The following ASB13 variants were observed in gnomAD, a reference collection of about 807,000 sequenced individuals.
ASB13 encodes ankyrin repeat and SOCS box protein 13.
Under a neutral mutation model 28.8 loss-of-function variants are expected in ASB13, and 33 were observed. That is an observed-to-expected ratio of 1.15 (90% CI 0.87 to 1.53). The LOEUF is 1.53. Ranked by LOEUF, ASB13 falls within the 40% of genes most tolerant of loss-of-function variation. ASB13 has a pLI of 0.00. For synonymous variants in ASB13, 182 were observed against 172.9 expected, an observed-to-expected ratio of 1.05 and a Z score of -0.41; for missense variants, 414 against 390.1, an observed-to-expected ratio of 1.06 and a Z score of -0.52.
At position 5,659,174 on chromosome 10, in the gene ASB13, C is replaced by T. The variant is rs562228535; in HGVS notation, c.44-6124G>A. ...TGCCAGGCTCCCTGTGGTGGCAAGA[C>T]GCCCCCCCTCCCCAATCCCTGCACC... On this transcript the variant is annotated intron_variant, in intron 1 of 5. Coordinates refer to ENST00000357700, the MANE Select transcript of ASB13 (RefSeq NM_024701.4). The surrounding 1 kb of genome is among the most constrained non-coding windows in gnomAD (Gnocchi z 5.8). Among the ~76,000 whole-genome samples, 5 of 152,224 alleles carry T rather than the reference C, an allele frequency of 3.3e-5. 1 individual carries two copies. Among genetic ancestry groups the T allele is most frequent in the South Asian group, 4.2e-4 (2 of 4,816 alleles).
rs1030789083 is a variant in ASB13, at chr10:5,645,552, C to T, written c.517+3418G>A. ...AACAAGAACAACGGTCTCCACGTCC[C>T]CCGTGGGGTGCAACGTGGCTCTGCC... On this transcript the variant is annotated intron_variant, in intron 4 of 5. Transcript: ENST00000357700. The surrounding 1 kb of genome is among the most constrained non-coding windows in gnomAD (Gnocchi z 5.4). Among the ~76,000 whole-genome samples the T allele has an allele frequency of 4.6e-5, 7 of 152,198 alleles. No individual in the cohort carries two copies. Among genetic ancestry groups the T allele is most frequent in the African/African-American group, 1.7e-4 (7 of 41,440 alleles).
rs948276211 is a variant in ASB13 at position 5,644,679 on chromosome 10, G to A, written c.518-2718C>T. Among the ~76,000 whole-genome samples the A allele has an allele frequency of 2.0e-5, 3 of 152,066 alleles. No homozygotes were observed. Among genetic ancestry groups the A allele is most frequent in the South Asian group, 2.1e-4 (1 of 4,824 alleles). Reference sequence around the variant, plus strand: ...CTAAAAATCCAAAAATTACCTGGGCGTGGTGGTGCACATCTATAATCCCAG... The same window carrying A: ...CTAAAAATCCAAAAATTACCTGGGCATGGTGGTGCACATCTATAATCCCAG... On this transcript the variant is annotated intron_variant, in intron 4 of 5. Transcript: ENST00000357700. This position sits in a 1 kb window ranked among gnomAD's most constrained non-coding sequence, Gnocchi z 5.1.
chr10:5,641,700 G>A lies in ASB13; in HGVS notation c.709+70C>T. On this transcript the variant is annotated intron_variant, in intron 5 of 5. Transcript: ENST00000357700. The surrounding 1 kb of genome is among the most constrained non-coding windows in gnomAD (Gnocchi z 8.4). ...GCCCAGCTCTCCGCGGAAGCCCACA[G>A]GGAGCCGGCACGTCAGGGGTCCAGG... 6.8e-7 allele frequency: 1 copy of A among 1,473,686 alleles called. No individual in the cohort carries two copies. Among genetic ancestry groups the A allele is most frequent in the South Asian group, 1.3e-5 (1 of 76,872 alleles). The allele number at this position is 1,473,686 out of a possible 1,614,324, so 91.3% of individuals were successfully genotyped here.
At position 5,653,070 on chromosome 10, in the gene ASB13, C is replaced by G; in HGVS notation, c.44-20G>C. 1 of 1,520,636 alleles carries G rather than the reference C, an allele frequency of 6.6e-7. No homozygotes were observed. Among genetic ancestry groups the G allele is most frequent in the Non-Finnish European group, 8.9e-7 (1 of 1,128,578 alleles). The allele number at this position is 1,520,636 out of a possible 1,614,324, so 94.2% of individuals were successfully genotyped here. A position where few individuals can be genotyped will look rare whatever the true frequency, so the allele number is the denominator to read the frequency against. On this transcript the variant is annotated intron_variant, in intron 1 of 5. Transcript: ENST00000357700. The stretch of plus-strand genomic sequence containing the variant: ...AGAAACCTGGAAAGGAAGGGGACCT[C>G]AGGCTAAGACCCTGCCACTTCCATC...
chr10:5,657,965 T>C (rs575976529), intron 1 of ASB13, among the ~76,000 whole-genome samples: 6 of 148,884 alleles, frequency 4.0e-5, no homozygotes, highest in Non-Finnish European at 8.9e-5. Context: ...ATGGCCAACA[T>C]GGGGAAACCC....
At position 5,666,561 on chromosome 10, in the gene ASB13, C is replaced by A. The variant is rs1163797478; in HGVS notation, c.-10G>T. The A allele has an allele frequency of 8.6e-7, 1 of 1,163,858 alleles. No individual in the cohort carries two copies. Among genetic ancestry groups the A allele is most frequent in the Non-Finnish European group, 1.1e-6 (1 of 944,596 alleles). 72.1% of individuals were successfully genotyped at this position (1,163,858 alleles called of 1,614,324 possible). A position where few individuals can be genotyped will look rare whatever the true frequency, so the allele number is the denominator to read the frequency against. On this transcript the variant is annotated 5_prime_UTR_variant, in exon 1 of 6. Coordinates refer to ENST00000357700, the MANE Select transcript of ASB13 (RefSeq NM_024701.4). ...CCGCCCGGGGCTCCATGCGGCTCAC[C>A]GGCGGCCGCGCGGCGACTCTGGGCG... is the stretch of plus-strand genomic sequence containing the variant.
rs1217629321 is a variant in ASB13 at position 5,656,914 on chromosome 10, A to C, written c.44-3864T>G. 6.6e-6 allele frequency among the ~76,000 whole-genome samples: 1 copy of C among 152,182 alleles called. No homozygotes were observed. Among genetic ancestry groups the C allele is most frequent in the East Asian group, 1.9e-4 (1 of 5,198 alleles). On this transcript the variant is annotated intron_variant, in intron 1 of 5. Coordinates refer to ENST00000357700, the MANE Select transcript of ASB13 (RefSeq NM_024701.4). The surrounding 1 kb of genome is among the most constrained non-coding windows in gnomAD (Gnocchi z 4.3). ...CGAAACCTGTACTGACTTAGACGGCACTTTAGACACTTATCTACCATCTTC... is the reference window on the plus strand; with the variant it reads ...CGAAACCTGTACTGACTTAGACGGCCCTTTAGACACTTATCTACCATCTTC...
chr10:5,654,197 G>A (rs1835036563), intron 1 of ASB13, among the ~76,000 whole-genome samples: 2 of 141,108 alleles, frequency 1.4e-5, no homozygotes, highest in African/African-American at 5.3e-5. Context: ...TTCCCATACA[G>A]CATCCAACAC....
At position 5,649,132 on chromosome 10, in the gene ASB13, T is replaced by C. The variant is rs747864648; in HGVS notation, c.383-28A>G. Reference sequence around the variant, plus strand: ...TAAGATAAATGGAAAAGGGGGGGAATGTCCTTGAATACGGACACTGGAGAC... The same window carrying C: ...TAAGATAAATGGAAAAGGGGGGGAACGTCCTTGAATACGGACACTGGAGAC... On this transcript the variant is annotated intron_variant, in intron 3 of 5. Transcript: ENST00000357700. The surrounding 1 kb of genome is among the most constrained non-coding windows in gnomAD (Gnocchi z 6.4). 8.7e-6 allele frequency: 14 copies of C among 1,612,522 alleles called. No individual in the cohort carries two copies. In the Admixed American group the frequency reaches 1.8e-4, roughly 21 times the overall value.
rs1243935199 is a variant in ASB13 at position 5,649,903 on chromosome 10, C to G, written c.383-799G>C. On this transcript the variant is annotated intron_variant, in intron 3 of 5. Coordinates refer to ENST00000357700, the MANE Select transcript of ASB13 (RefSeq NM_024701.4). This position sits in a 1 kb window ranked among gnomAD's most constrained non-coding sequence, Gnocchi z 6.4. ...GGAGCGGGGTTCCAGGCCCCCCATCCTCCCGCCCCTGCACATTCCGTCTAG... is the reference window on the plus strand; with the variant it reads ...GGAGCGGGGTTCCAGGCCCCCCATCGTCCCGCCCCTGCACATTCCGTCTAG... 6.6e-6 allele frequency among the ~76,000 whole-genome samples: 1 copy of G among 152,170 alleles called. No homozygotes were observed. The highest frequency in any genetic ancestry group is 1.9e-4 in the East Asian group (1 of 5,188).
At chr10:5,665,017 C>A (rs563038140) in intron 1 of ASB13, among the ~76,000 whole-genome samples, 12 of 152,142 alleles carry the variant, frequency 7.9e-5, no homozygotes, top group Admixed American at 7.9e-4. Flanking sequence ...CCACAATGCT[C>A]GGCTAATTTT....
At chr10:5,654,810 A>G (rs1019178507) in intron 1 of ASB13, among the ~76,000 whole-genome samples, 8 of 152,306 alleles carry the variant, frequency 5.3e-5, no homozygotes, top group East Asian at 1.9e-4. Flanking sequence ...TACACAGTGC[A>G]TCTGGGCTAG....
Position 5,645,225 on chromosome 10 carries a change from C to A in ASB13, c.518-3264G>T, listed in dbSNP as rs143906355. ...CAAATAGCTCAATAGGTGCTTGTTACCACAAGAGAAATTGAAAAAAAAAAT... is the reference window on the plus strand; with the variant it reads ...CAAATAGCTCAATAGGTGCTTGTTAACACAAGAGAAATTGAAAAAAAAAAT... On this transcript the variant is annotated intron_variant, in intron 4 of 5. Transcript: ENST00000357700. This position sits in a 1 kb window ranked among gnomAD's most constrained non-coding sequence, Gnocchi z 5.4. 2.3e-3 allele frequency among the ~76,000 whole-genome samples: 344 copies of A among 150,224 alleles called. 2 individuals carry two copies. The Middle Eastern group carries it at 0.031, about 13-fold the overall frequency.
chr10:5,666,446 C>T, intron 1 of ASB13, 63 bp downstream of exon 1: 2 of 1,238,886 alleles, frequency 1.6e-6, no homozygotes, highest in Non-Finnish European at 2.0e-6. Context: ...CCATCGGATA[C>T]GCGGCCGGCC....
rs1835150265 is a variant in ASB13, at chr10:5,660,982, G to T, written c.43+5527C>A. 1.3e-5 allele frequency among the ~76,000 whole-genome samples: 2 copies of T among 152,216 alleles called. No individual in the cohort carries two copies. Among genetic ancestry groups the T allele is most frequent in the Non-Finnish European group, 2.9e-5 (2 of 68,038 alleles). ...CCACCAGCAGCTTGAAAGCAGCCAG[G>T]ATGTGAGTATTTAGACCAGGGAAAG... On this transcript the variant is annotated intron_variant, in intron 1 of 5. Coordinates refer to ENST00000357700, the MANE Select transcript of ASB13 (RefSeq NM_024701.4). This position sits in a 1 kb window ranked among gnomAD's most constrained non-coding sequence, Gnocchi z 6.1.
intron 1 of ASB13, among the ~76,000 whole-genome samples, chr10:5,662,882 C>T (rs1263337882): frequency 6.6e-6 from 1 of 152,170 alleles, no homozygotes; most frequent in Non-Finnish European, 1.5e-5. Context: ...CCACTATCAC[C>T]AAATTTTAAT....
chr10:5,648,599 C>T (rs527630436), intron 4 of ASB13, among the ~76,000 whole-genome samples: 2 of 146,870 alleles, frequency 1.4e-5, no homozygotes, highest in African/African-American at 2.6e-5. Flanking sequence ...AACACCCCCT[C>T]GGGTAAACAC....
rs150865991 is a variant in ASB13 at position 5,655,920 on chromosome 10, G to A, written c.44-2870C>T. On this transcript the variant is annotated intron_variant, in intron 1 of 5. Coordinates refer to ENST00000357700, the MANE Select transcript of ASB13 (RefSeq NM_024701.4). This position sits in a 1 kb window ranked among gnomAD's most constrained non-coding sequence, Gnocchi z 6.2. ...CACAAGACGTCCAGGTGGATTTAGC[G>A]TCTTCCGCTGCCACACGCAAAGATG... Among the ~76,000 whole-genome samples, 14 of 152,312 alleles carry A rather than the reference G, an allele frequency of 9.2e-5. No individual in the cohort carries two copies. The highest frequency in any genetic ancestry group is 3.4e-3 in the Middle Eastern group (1 of 294).
chr10:5,666,314 A>C lies in ASB13; in HGVS notation c.43+195T>G, dbSNP rs1305062244. On this transcript the variant is annotated intron_variant, in intron 1 of 5. Coordinates refer to ENST00000357700, the MANE Select transcript of ASB13 (RefSeq NM_024701.4). ...GCGCTGGCCTGGGACAAGGCACCAG[A>C]CATGAGAGCCCGTCTGGGATGCGCG... Among the ~76,000 whole-genome samples the C allele has an allele frequency of 2.6e-5, 4 of 152,220 alleles. No individual in the cohort carries two copies. In the East Asian group the frequency reaches 7.7e-4, roughly 29 times the overall value.
Sources: allele counts gnomAD v4.1 joint callset (sites outside exome capture counted in the v4.1 genomes callset), GRCh38; gene constraint gnomAD v4.1.1; non-coding constraint Gnocchi (gnomAD v3.1); transcripts MANE v1.5; gene names NCBI Gene and HGNC (gene_info 2026-07-23, HGNC 2026-07-21).